Variants in ITPK1 observed in about 807,000 individuals in gnomAD.
ITPK1 encodes the protein inositol 1,3,4-trisphosphate 5/6-kinase.
Under a neutral mutation model 45.3 loss-of-function variants are expected in ITPK1, and 21 were observed. The observed-to-expected ratio is 0.46, with a 90% CI of 0.33 to 0.67. ITPK1 has a LOEUF of 0.67. ITPK1 is among the 30% of genes least tolerant of loss of function. The pLI, the probability that ITPK1 is intolerant of heterozygous loss-of-function variation, is 0.02. For missense variants in ITPK1, 474 were observed against 573.5 expected (o/e 0.83, Z 1.77); for synonymous variants, 258 against 253.6 (o/e 1.02, Z -0.16).
chr14:92,998,631 C>A (rs1285011851), intron 4 of ITPK1, among the ~76,000 whole-genome samples: 1 of 152,110 alleles, frequency 6.6e-6, no homozygotes, highest in Non-Finnish European at 1.5e-5. Flanking sequence ...GAGCACGTTG[C>A]GGCATTCTCT....
chr14:93,079,675 C>T (rs1210453100), intron 2 of ITPK1, among the ~76,000 whole-genome samples: 1 of 152,218 alleles, frequency 6.6e-6, no homozygotes, highest in Non-Finnish European at 1.5e-5. Context: ...TGTCGGGGCT[C>T]ATTTTTCACT....
At chr14:93,023,791 GC>G (rs1419435222) in intron 3 of ITPK1, among the ~76,000 whole-genome samples, 14 of 152,302 alleles carry the variant, frequency 9.2e-5, no homozygotes, top group African/African-American at 3.1e-4. Context: ...AAAGGCAGGA[GC>G]CTTGATAGAG....
At chr14:93,047,236 G>T (rs1889815747) in intron 3 of ITPK1, among the ~76,000 whole-genome samples, 2 of 152,274 alleles carry the variant, frequency 1.3e-5, no homozygotes, top group Admixed American at 6.5e-5. Context: ...AACTCCAGGG[G>T]GTTGACCCAC....
chr14:93,027,658 A>G (rs1215880106), intron 3 of ITPK1, among the ~76,000 whole-genome samples: 1 of 152,218 alleles, frequency 6.6e-6, no homozygotes, highest in Non-Finnish European at 1.5e-5. Flanking sequence ...CACGTGCCTC[A>G]GGACTCCTCT....
intron 3 of ITPK1, among the ~76,000 whole-genome samples, chr14:93,055,166 T>C (rs895922044): frequency 1.3e-5 from 2 of 152,174 alleles, no homozygotes; most frequent in African/African-American, 4.8e-5. Flanking sequence ...TACAACTCCA[T>C]GGCCAGATGA....
intron 5 of ITPK1, among the ~76,000 whole-genome samples, chr14:92,964,919 T>C (rs572696884): frequency 2.0e-5 from 3 of 152,370 alleles, no homozygotes; most frequent in East Asian, 1.9e-4. Flanking sequence ...CTGTTCAACG[T>C]AGTTACACAG....
chr14:93,109,605 T>TA (rs796859117), intron 2 of ITPK1, among the ~76,000 whole-genome samples: 7 of 152,302 alleles, frequency 4.6e-5, no homozygotes, highest in African/African-American at 1.7e-4. Context: ...AGTAGCATCT[T>TA]AACATAAATT....
chr14:92,965,074 C>T (rs1314998924), intron 5 of ITPK1, among the ~76,000 whole-genome samples: 1 of 152,156 alleles, frequency 6.6e-6, no homozygotes, highest in African/African-American at 2.4e-5. Flanking sequence ...GAGGTCATAC[C>T]CAGACCATCT....
chr14:93,005,620 G>T lies in ITPK1; in HGVS notation c.246+11056C>A, dbSNP rs188029793. ...GACGCTTCCTAAGGTGGTGGAAAGG[G>T]ACCAGTCCTTGGTTGGTGGCAGTGT... On this transcript the variant is annotated intron_variant, in intron 4 of 10. Transcript: ENST00000267615. Among the ~76,000 whole-genome samples the T allele has an allele frequency of 6.6e-5, 10 of 152,324 alleles. 1 individual carries two copies. In the East Asian group the frequency reaches 9.6e-4, roughly 15 times the overall value.
chr14:92,995,737 C>A (rs1056405306), intron 4 of ITPK1, among the ~76,000 whole-genome samples: 3 of 152,270 alleles, frequency 2.0e-5, no homozygotes, highest in Admixed American at 6.5e-5. Context: ...CACCAACCCA[C>A]TGCCTGTAGA....
chr14:92,966,949 C>T (rs529232646), intron 5 of ITPK1, among the ~76,000 whole-genome samples: 1 of 152,338 alleles, frequency 6.6e-6, no homozygotes, highest in Admixed American at 6.5e-5. Flanking sequence ...TAATTCAAAA[C>T]TGATCATGAT....
chr14:92,950,507 G>C (rs944897605), intron 9 of ITPK1, among the ~76,000 whole-genome samples: 3 of 152,258 alleles, frequency 2.0e-5, no homozygotes, highest in African/African-American at 7.2e-5. Flanking sequence ...GGAAGGAGGA[G>C]GTGACTGCAG....
At chr14:93,023,696 A>T (rs1253354233) in intron 3 of ITPK1, among the ~76,000 whole-genome samples, 1 of 152,128 alleles carries the variant, frequency 6.6e-6, no homozygotes, top group African/African-American at 2.4e-5. Context: ...TTTTTTTCAC[A>T]TTGTAGTTTA....
chr14:93,013,304 C>CA (rs139342357), intron 4 of ITPK1, among the ~76,000 whole-genome samples: 2,885 of 151,790 alleles, frequency 0.019, 96 homozygotes, highest in African/African-American at 0.066. Context: ...CAAACAAAAA[C>CA]AAAAAAAATC....
chr14:93,054,895 T>C (rs1890158617), intron 3 of ITPK1, among the ~76,000 whole-genome samples: 1 of 152,118 alleles, frequency 6.6e-6, no homozygotes, highest in Admixed American at 6.5e-5. Context: ...ACAGCTTGAA[T>C]ATTTCACAAA....
chr14:93,058,052 T>A (rs1415355966), intron 3 of ITPK1, among the ~76,000 whole-genome samples: 1 of 152,106 alleles, frequency 6.6e-6, no homozygotes, highest in African/African-American at 2.4e-5. Flanking sequence ...AAAGACTTGG[T>A]CATCTTAGAG....
rs1055880455 is a variant in ITPK1 at position 93,036,716 on chromosome 14, T to G, written c.121-19915A>C. The G allele has an allele frequency of 6.6e-6, 1 of 152,264 alleles. No homozygotes were observed. Among genetic ancestry groups the G allele is most frequent in the Non-Finnish European group, 1.5e-5 (1 of 68,134 alleles). The allele number at this position is 152,264 out of a possible 1,614,324, so 9.4% of individuals were successfully genotyped here. ...ATCGTTACCAACAACCCGCACCGCA[T>G]TCTCTCCCACTCATCTCAATACCGC... On this transcript the variant is annotated intron_variant, in intron 3 of 10. Transcript: ENST00000267615. The surrounding 1 kb of genome is among the most constrained non-coding windows in gnomAD (Gnocchi z 4.1).
At chr14:93,067,536 G>A (rs2139964781) in intron 3 of ITPK1, 1 of 152,238 alleles carries the variant, frequency 6.6e-6, no homozygotes. Context: ...CTGCAACACG[G>A]TGACAGCTTC....
intron 4 of ITPK1, among the ~76,000 whole-genome samples, chr14:93,011,634 G>C (rs3825681): frequency 0.27 from 41,688 of 152,108 alleles, 5,990 homozygotes; most frequent in Admixed American, 0.35. Context: ...GCTGCTCAGA[G>C]GCCAGCCTTC....
Sources: allele counts gnomAD v4.1 joint callset (sites outside exome capture counted in the v4.1 genomes callset), GRCh38; gene constraint gnomAD v4.1.1; non-coding constraint Gnocchi (gnomAD v3.1); transcripts MANE v1.5; gene names NCBI Gene and HGNC (gene_info 2026-07-23, HGNC 2026-07-21).